DPP6: variants seen among roughly 807,000 people sequenced by gnomAD.
The protein encoded by DPP6 is A-type potassium channel modulatory protein DPP6.
A neutral mutation model predicts 122.6 loss-of-function variants in DPP6; 69 were observed. The observed-to-expected ratio is 0.56, with a 90% CI of 0.46 to 0.69. The LOEUF (loss-of-function observed/expected upper bound fraction) is 0.69. Among genes scored for constraint, DPP6 ranks in the 30% least tolerant of loss-of-function variants. The pLI, the probability that DPP6 is intolerant of heterozygous loss-of-function variation, is 0.00. For missense variants in DPP6, 928 were observed against 1,116.9 expected (o/e 0.83, Z 2.41); for synonymous variants, 418 against 433.1 (o/e 0.97, Z 0.43).
intron 1 of DPP6, among the ~76,000 whole-genome samples, chr7:153,958,233 G>A (rs917861825): frequency 2.6e-5 from 4 of 152,146 alleles, no homozygotes; most frequent in African/African-American, 9.7e-5. Flanking sequence ...AACTGCTTCT[G>A]TTTTCCTGTG....
chr7:154,797,683 G>A (rs1798125682), intron 12 of DPP6, among the ~76,000 whole-genome samples: 1 of 152,132 alleles, frequency 6.6e-6, no homozygotes, highest in South Asian at 2.1e-4. Flanking sequence ...TTTATTTTGG[G>A]GTGGTGGAAA....
the DPP6 span, among the ~76,000 whole-genome samples, chr7:153,849,328 T>C: frequency 6.6e-6 from 1 of 152,058 alleles, no homozygotes; most frequent in East Asian, 1.9e-4. Context: ...CAGACAATTA[T>C]ACCCACAACT....
intron 4 of DPP6, among the ~76,000 whole-genome samples, chr7:154,561,369 A>G (rs1364942547): frequency 2.0e-5 from 3 of 152,238 alleles, no homozygotes; most frequent in African/African-American, 4.8e-5. Context: ...AAGTCTCAAT[A>G]TATTGCAAAG....
chr7:154,454,500 C>T (rs1480952516), intron 2 of DPP6, among the ~76,000 whole-genome samples: 1 of 152,122 alleles, frequency 6.6e-6, no homozygotes. Context: ...CAATTAGGGA[C>T]TTTAAAAGAT....
chr7:154,386,289 G>A (rs1814103854), intron 1 of DPP6, among the ~76,000 whole-genome samples: 2 of 152,098 alleles, frequency 1.3e-5, no homozygotes, highest in South Asian at 2.1e-4. Context: ...GCATCCGTTT[G>A]TGTTCCTCCT....
At chr7:153,988,269 G>C (rs1057165827) in intron 1 of DPP6, among the ~76,000 whole-genome samples, 8 of 152,150 alleles carry the variant, frequency 5.3e-5, no homozygotes, top group Non-Finnish European at 1.2e-4. Flanking sequence ...CAGTGCTGGA[G>C]TGGACCAGTC....
chr7:153,915,536 A>G (rs1465055366), intron 1 of DPP6, among the ~76,000 whole-genome samples: 2 of 152,220 alleles, frequency 1.3e-5, no homozygotes, highest in African/African-American at 4.8e-5. Context: ...CCGAAGTGAA[A>G]TTGGTAGAAA....
At chr7:153,972,076 A>C (rs1016314128) in intron 1 of DPP6, among the ~76,000 whole-genome samples, 11 of 151,120 alleles carry the variant, frequency 7.3e-5, no homozygotes, top group African/African-American at 2.7e-4. Flanking sequence ...AGGAGAGTAA[A>C]TCTAGTCCCT....
chr7:154,282,931 C>G lies in DPP6; in HGVS notation c.244-163283C>G, dbSNP rs1292497614. Among the ~76,000 whole-genome samples the G allele has an allele frequency of 6.6e-6, 1 of 152,164 alleles. No individual in the cohort carries two copies. Among genetic ancestry groups the G allele is most frequent in the African/African-American group, 2.4e-5 (1 of 41,442 alleles). The stretch of plus-strand genomic sequence containing the variant: ...GCTCAGTCCAAGGGTCACAACATGT[C>G]TGATGCCTAGCTCTGGACTCAAGGG... On this transcript the variant is annotated intron_variant, in intron 1 of 25. Coordinates refer to ENST00000377770, the MANE Select transcript of DPP6 (RefSeq NM_130797.4). The surrounding 1 kb of genome is among the most constrained non-coding windows in gnomAD (Gnocchi z 4.8).
chr7:154,374,892 G>A (rs987102486), intron 1 of DPP6, among the ~76,000 whole-genome samples: 6 of 152,202 alleles, frequency 3.9e-5, no homozygotes, highest in Admixed American at 6.5e-5. Context: ...GATTACAGGC[G>A]TGAGCCACCG....
intron 8 of DPP6, among the ~76,000 whole-genome samples, chr7:154,756,217 G>A (rs1357834430): frequency 1.3e-5 from 2 of 152,150 alleles, no homozygotes; most frequent in Non-Finnish European, 2.9e-5. Flanking sequence ...ATGTCCAGAG[G>A]CCTGGGCTCA....
At chr7:153,940,165 C>G (rs1434042350) in intron 1 of DPP6, among the ~76,000 whole-genome samples, 3 of 152,076 alleles carry the variant, frequency 2.0e-5, no homozygotes, top group African/African-American at 4.8e-5. Flanking sequence ...GCAGAAAGCA[C>G]CCAGAAGGAA....
At chr7:153,820,593 T>C in the DPP6 span, among the ~76,000 whole-genome samples, 1 of 152,076 alleles carries the variant, frequency 6.6e-6, no homozygotes, top group East Asian at 1.9e-4. Flanking sequence ...AGGCCAGGCC[T>C]GAACCTAGCA....
intron 1 of DPP6, among the ~76,000 whole-genome samples, chr7:154,302,730 G>T (rs936164474): frequency 1.3e-5 from 2 of 152,230 alleles, no homozygotes; most frequent in Non-Finnish European, 2.9e-5. Context: ...GAAGGAAAAT[G>T]GGATGCACCC....
chr7:154,225,814 G>C (rs1260370895), intron 1 of DPP6, among the ~76,000 whole-genome samples: 2 of 151,908 alleles, frequency 1.3e-5, no homozygotes, highest in East Asian at 3.9e-4. Context: ...TCTTTTCCTG[G>C]GTCATTAGAA....
At chr7:154,295,287 A>G (rs1444019112) in intron 1 of DPP6, among the ~76,000 whole-genome samples, 1 of 152,216 alleles carries the variant, frequency 6.6e-6, no homozygotes, top group Non-Finnish European at 1.5e-5. Flanking sequence ...CACCGAATTT[A>G]GGGAGTGTGT....
intron 1 of DPP6, among the ~76,000 whole-genome samples, chr7:154,110,389 A>G (rs992996033): frequency 6.6e-6 from 1 of 152,210 alleles, no homozygotes; most frequent in Non-Finnish European, 1.5e-5. Context: ...TGAATCAAAA[A>G]GAAGCATCAC....
chr7:154,324,869 T>A (rs1808297610), intron 1 of DPP6, among the ~76,000 whole-genome samples: 1 of 140,624 alleles, frequency 7.1e-6, no homozygotes, highest in South Asian at 2.5e-4. Context: ...CTTTTGTTAT[T>A]TTTTTTTTTT....
At chr7:154,557,121 G>A (rs904918875) in intron 4 of DPP6, among the ~76,000 whole-genome samples, 12 of 152,154 alleles carry the variant, frequency 7.9e-5, no homozygotes, top group African/African-American at 2.2e-4. Context: ...GTTGATTTCA[G>A]GGAGAACTCA....
Sources: gnomAD v4.1 joint callset for allele counts (sites outside exome capture counted in the v4.1 genomes callset) on GRCh38, gnomAD v4.1.1 for gene constraint, Gnocchi (gnomAD v3.1) non-coding constraint, MANE v1.5 for transcripts, NCBI Gene and HGNC (gene_info 2026-07-23, HGNC 2026-07-21) for gene names.